The following FGFR2 variants were observed in gnomAD, a reference collection of about 807,000 sequenced individuals.
FGFR2 encodes BEK fibroblast growth factor receptor.
In FGFR2, 19 loss-of-function variants were observed where a neutral mutation model predicts 95.9. The ratio of observed to expected loss-of-function variants is 0.20; its 90% confidence interval spans 0.14 to 0.29. The LOEUF (loss-of-function observed/expected upper bound fraction) is 0.29. FGFR2 is among the 10% of genes least tolerant of loss of function. FGFR2 has a pLI of 1.00. For missense variants in FGFR2, 707 were observed against 1,056.9 expected (o/e 0.67, Z 4.59); for synonymous variants, 392 against 393.3 (o/e 1.00, Z 0.04).
At chr10:121,548,982 C>G (rs538269543) in intron 5 of FGFR2, among the ~76,000 whole-genome samples, 5 of 152,120 alleles carry the variant, frequency 3.3e-5, no homozygotes, top group African/African-American at 9.7e-5. Context: ...CAAATCACCC[C>G]CTGCCTCCTG....
intron 17 of FGFR2, chr10:121,482,256 G>GCAT: frequency 7.1e-7 from 1 of 1,408,042 alleles, no homozygotes. Flanking sequence ...AACAATTTTG[G>GCAT]CAGAAGAAGA....
chr10:121,534,537 A>G (rs1852551223), intron 6 of FGFR2, among the ~76,000 whole-genome samples: 2 of 151,904 alleles, frequency 1.3e-5, no homozygotes. Flanking sequence ...CTGGGATTGC[A>G]GGCGCCCACC....
At chr10:121,577,178 T>TATATATATAGAGAGAG in intron 2 of FGFR2, among the ~76,000 whole-genome samples, 19 of 5,214 alleles carry the variant, frequency 3.6e-3, no homozygotes, top group Admixed American at 4.8e-3. Flanking sequence ...TATATATATA[T>TATATATATAGAGAGAG]AGAGAGAGAG....
intron 6 of FGFR2, among the ~76,000 whole-genome samples, chr10:121,534,091 CTTTTT>C (rs1022674124): frequency 5.4e-5 from 5 of 92,120 alleles, no homozygotes; most frequent in Non-Finnish European, 9.8e-5. Context: ...CCCAAAATGG[CTTTTT>C]TTTTTTTTTT....
At chr10:121,515,921 T>C (rs969693662) in intron 8 of FGFR2, among the ~76,000 whole-genome samples, 2 of 151,266 alleles carry the variant, frequency 1.3e-5, no homozygotes, top group African/African-American at 2.4e-5. Flanking sequence ...ACAGATTGAA[T>C]TGCTTATAAT....
At position 121,518,418 on chromosome 10, in the gene FGFR2, A is replaced by G. The variant is rs1849989659; in HGVS notation, c.940-955T>C. Reference sequence around the variant, plus strand: ...GAAATGTGCAGCCTAAACAAGATCAACCAGAAGGAACAACTTAAAAACTGG... The same window carrying G: ...GAAATGTGCAGCCTAAACAAGATCAGCCAGAAGGAACAACTTAAAAACTGG... On this transcript the variant is annotated intron_variant, in intron 7 of 17. Coordinates refer to ENST00000358487, the MANE Select transcript of FGFR2 (RefSeq NM_000141.5). This position sits in a 1 kb window ranked among gnomAD's most constrained non-coding sequence, Gnocchi z 4.0. 6.6e-6 allele frequency among the ~76,000 whole-genome samples: 1 copy of G among 152,206 alleles called. No individual in the cohort carries two copies.
At chr10:121,569,152 T>A (rs1468386826) in intron 2 of FGFR2, among the ~76,000 whole-genome samples, 1 of 152,178 alleles carries the variant, frequency 6.6e-6, no homozygotes, top group African/African-American at 2.4e-5. Flanking sequence ...CCGTGATTTT[T>A]TAAGCACCAC....
intron 5 of FGFR2, among the ~76,000 whole-genome samples, chr10:121,547,246 G>A (rs535575554): frequency 6.6e-6 from 1 of 152,146 alleles, no homozygotes; most frequent in African/African-American, 2.4e-5. Flanking sequence ...ATAAAATAAA[G>A]CAAAGTGGCA....
chr10:121,482,680 A>G (rs1427031957), intron 17 of FGFR2, among the ~76,000 whole-genome samples: 1 of 152,232 alleles, frequency 6.6e-6, no homozygotes, highest in East Asian at 1.9e-4. Flanking sequence ...TGCTCAGAGC[A>G]TATGCTTTCC....
chr10:121,507,622 T>C (rs1848500778), intron 9 of FGFR2, among the ~76,000 whole-genome samples: 1 of 152,028 alleles, frequency 6.6e-6, no homozygotes, highest in Non-Finnish European at 1.5e-5. Flanking sequence ...CAGGTCCAAC[T>C]GCACAGCATT....
chr10:121,549,236 A>C (rs540470866), intron 5 of FGFR2, among the ~76,000 whole-genome samples: 2 of 152,346 alleles, frequency 1.3e-5, no homozygotes, highest in African/African-American at 2.4e-5. Flanking sequence ...TAATCCTTTA[A>C]AGATGAATAA....
At chr10:121,586,467 T>C (rs1451928696) in intron 2 of FGFR2, among the ~76,000 whole-genome samples, 2 of 152,234 alleles carry the variant, frequency 1.3e-5, no homozygotes, top group African/African-American at 4.8e-5. Context: ...ATACAACAGC[T>C]TAGCCCCCTG....
rs1853152090 is a variant in FGFR2, at chr10:121,538,291, A to G, written c.748+301T>C. 4 of 767,440 alleles carry G rather than the reference A, an allele frequency of 5.2e-6. No homozygotes were observed. The East Asian group carries it at 9.7e-5, about 19-fold the overall frequency. The allele number at this position is 767,440 out of a possible 1,614,324, so 47.5% of individuals were successfully genotyped here. A position where few individuals can be genotyped will look rare whatever the true frequency, so the allele number is the denominator to read the frequency against. ...CATCTGTACCCTTTTCACCTGCCCA[A>G]TTAACATTTTCAGAGTAATCTCAGC... On this transcript the variant is annotated intron_variant, in intron 6 of 17. Coordinates refer to ENST00000358487, the MANE Select transcript of FGFR2 (RefSeq NM_000141.5).
rs1376969673 is a variant in FGFR2, at chr10:121,478,993, C to T, written c.*864G>A. On this transcript the variant is annotated 3_prime_UTR_variant, in exon 18 of 18. Transcript: ENST00000358487. ...TGAAACACCTTCCTATGAATGAGTT[C>T]TTTTAATATGGGGCATTTAGGAGGT... 1 of 233,428 alleles carries T rather than the reference C, an allele frequency of 4.3e-6. No homozygotes were observed. Among genetic ancestry groups the T allele is most frequent in the East Asian group, 6.1e-5 (1 of 16,526 alleles). The allele number at this position is 233,428 out of a possible 1,614,324, so 14.5% of individuals were successfully genotyped here.
At chr10:121,480,065 G>T (rs749955913) in intron 17 of FGFR2, 44 bp from the exon 18 acceptor site, 1 of 1,558,032 alleles carries the variant, frequency 6.4e-7, no homozygotes, top group South Asian at 1.1e-5. Context: ...CTTGGGTCAG[G>T]ATAACAAGGT....
chr10:121,530,994 A>G (rs1456453753), intron 6 of FGFR2, among the ~76,000 whole-genome samples: 1 of 152,160 alleles, frequency 6.6e-6, no homozygotes, highest in Non-Finnish European at 1.5e-5. Context: ...TGATTTTAAC[A>G]CTTCTACATC....
At chr10:121,523,562 T>C (rs1163327608) in intron 6 of FGFR2, among the ~76,000 whole-genome samples, 2 of 152,206 alleles carry the variant, frequency 1.3e-5, no homozygotes, top group Non-Finnish European at 2.9e-5. Flanking sequence ...AGCTGTCCTC[T>C]GGGCTAGATC....
intron 9 of FGFR2, among the ~76,000 whole-genome samples, chr10:121,507,077 G>C (rs1374547642): frequency 6.6e-6 from 1 of 152,128 alleles, no homozygotes; most frequent in African/African-American, 2.4e-5. Context: ...TGCATCCTTC[G>C]ATGTGGGCAA....
chr10:121,595,828 C>T (rs1863358386), intron 1 of FGFR2, among the ~76,000 whole-genome samples: 1 of 152,214 alleles, frequency 6.6e-6, no homozygotes, highest in Non-Finnish European at 1.5e-5. Flanking sequence ...ACAGGGCGCT[C>T]CGCTGAATCT....
Sources: gnomAD v4.1 joint callset for allele counts (sites outside exome capture counted in the v4.1 genomes callset) on GRCh38, gnomAD v4.1.1 for gene constraint, Gnocchi (gnomAD v3.1) non-coding constraint, MANE v1.5 for transcripts, NCBI Gene and HGNC (gene_info 2026-07-23, HGNC 2026-07-21) for gene names.